Variants in WHAMM observed in about 807,000 individuals in gnomAD.
The protein encoded by WHAMM is WASP homolog associated with actin, golgi membranes and microtubules.
WHAMM carries 67 observed loss-of-function variants against 76.5 expected under a neutral mutation model. That is an observed-to-expected ratio of 0.88 (90% CI 0.72 to 1.07). The LOEUF is 1.07. WHAMM is among the 50% of genes least tolerant of loss of function. The probability of loss-of-function intolerance (pLI) is 0.00; values close to 1 mark genes in which losing one functional copy is unlikely to be tolerated. For synonymous variants in WHAMM, 419 were observed against 422.1 expected (o/e 0.99, Z 0.09); for missense variants, 1,021 against 1,051.1 (o/e 0.97, Z 0.40).
In WHAMM at chr15:82,831,063, A is replaced by G; in HGVS notation, c.2106A>G (p.Glu702=). 6.2e-7 allele frequency: 1 copy of G among 1,607,260 alleles called. No homozygotes were observed. Among genetic ancestry groups the G allele is most frequent in the Non-Finnish European group, 8.5e-7 (1 of 1,179,622 alleles). Residue 702 remains glutamate (E), a synonymous_variant, in exon 9 of 10, where the codon GAA becomes GAG. Transcript: ENST00000286760. ...CTGAGCGACCACGTGACTCCTTGGA[A>G]AGTTTTTCATGTCCAGGTAATCCAC... ...SPAERPRDSL[E]SFSCPGSMDE...
intron 1 of WHAMM, among the ~76,000 whole-genome samples, chr15:82,810,938 A>G (rs1415472584): frequency 6.6e-6 from 1 of 152,200 alleles, no homozygotes; most frequent in Non-Finnish European, 1.5e-5. Flanking sequence ...TGGTAAACTT[A>G]CTGAACCTAA....
At chr15:82,811,851 TA>T (rs975843002) in intron 1 of WHAMM, among the ~76,000 whole-genome samples, 139 of 148,702 alleles carry the variant, frequency 9.3e-4, no homozygotes, top group African/African-American at 3.0e-3. Context: ...GGCTTTCACT[TA>T]AAAAAAAAAC....
At chr15:82,815,117 A>G (rs1445461903) in intron 2 of WHAMM, among the ~76,000 whole-genome samples, 6 of 16,258 alleles carry the variant, frequency 3.7e-4, no homozygotes, top group Non-Finnish European at 5.0e-4. Context: ...GATTTTATAT[A>G]TATATATATA....
chr15:82,831,481 T>C (rs2051031802), intron 9 of WHAMM, among the ~76,000 whole-genome samples: 1 of 152,190 alleles, frequency 6.6e-6, no homozygotes, highest in South Asian at 2.1e-4. Context: ...AGAATCCAGT[T>C]GTTGTATTTT....
chr15:82,827,736 T>G (rs996733419), intron 8 of WHAMM, among the ~76,000 whole-genome samples: 1 of 152,102 alleles, frequency 6.6e-6, no homozygotes, highest in African/African-American at 2.4e-5. Context: ...CTTGAGGTCA[T>G]GAGTTTGAGA....
chr15:82,817,151 C>T lies in WHAMM; in HGVS notation c.934+309C>T, dbSNP rs190046443. 4.1e-3 allele frequency among the ~76,000 whole-genome samples: 620 copies of T among 152,180 alleles called. 2 individuals carry two copies. The highest frequency in any genetic ancestry group is 8.0e-3 in the Admixed American group (123 of 15,280). On this transcript the variant is annotated intron_variant, in intron 3 of 9. Coordinates refer to ENST00000286760, the MANE Select transcript of WHAMM (RefSeq NM_001080435.3). ...GTCACTGAAGGCCTCTGAGAAGTGG[C>T]GCTTGCCCCAATATCTGAAGGGTAA... is the stretch of plus-strand genomic sequence containing the variant.
chr15:82,810,433 C>A, intron 1 of WHAMM, 98 bp downstream of exon 1: 1 of 1,218,716 alleles, frequency 8.2e-7, no homozygotes, highest in Non-Finnish European at 1.0e-6. Flanking sequence ...TGACGGCTGA[C>A]GGGGAGGAGC....
intron 9 of WHAMM, among the ~76,000 whole-genome samples, chr15:82,832,454 T>C (rs764766901): frequency 7.2e-5 from 11 of 152,194 alleles, no homozygotes; most frequent in Non-Finnish European, 1.3e-4. Flanking sequence ...CAGCAGGCGA[T>C]AAAAGATTTT....
At chr15:82,826,589 T>C (rs2050938329) in intron 7 of WHAMM, 93 bp downstream of exon 7, 1 of 1,581,460 alleles carries the variant, frequency 6.3e-7, no homozygotes, top group East Asian at 2.2e-5. Flanking sequence ...GCCCTGGACC[T>C]GCAGCTGTCA....
At chr15:82,832,803 G>T (rs563534796) in intron 9 of WHAMM, among the ~76,000 whole-genome samples, 9 of 152,272 alleles carry the variant, frequency 5.9e-5, no homozygotes, top group Middle Eastern at 3.4e-3. Flanking sequence ...TTTTTTAAAA[G>T]ATTTCTTTTA....
rs1419197350 is a variant in WHAMM at position 82,810,251 on chromosome 15, C to T, written c.525C>T (p.Gly175=). ...ACGCACTCTTCCCGGCTGAGGGCGG[C>T]GCGGCCGACTGCGAAAGCCCGCGCG... ...VRDALFPAEG[G]AADCESPREF... is the part of the protein sequence containing the mutation. Residue 175 remains glycine, a synonymous_variant, in exon 1 of 10, where the codon GGC becomes GGT. Transcript: ENST00000286760. 10 of 1,390,960 alleles carry T rather than the reference C, an allele frequency of 7.2e-6. No homozygotes were observed. Among genetic ancestry groups the T allele is most frequent in the South Asian group, 1.5e-5 (1 of 65,544 alleles). The allele number at this position is 1,390,960 out of a possible 1,614,324, so 86.2% of individuals were successfully genotyped here.
chr15:82,816,827 G>A lies in WHAMM; in HGVS notation c.919G>A (p.Val307Ile), dbSNP rs1272800048. The A allele has an allele frequency of 1.3e-6, 2 of 1,561,254 alleles. No individual in the cohort carries two copies. The highest frequency in any genetic ancestry group is 2.3e-5 in the East Asian group (1 of 42,718). ...CACAGTGAATTATTTTAAGGAGACA[G>A]TAAAAGCATTAGCAGGTGATAATTT... Reference protein sequence around the residue: ...DITVNYFKETVKALAGMQKEM... With the variant: ...DITVNYFKETIKALAGMQKEM... Residue 307 changes from valine (V) to isoleucine (I), a missense_variant, in exon 3 of 10, where the codon GTA (valine) becomes ATA (isoleucine). Val to Ile is a conservative substitution (Grantham distance 29). Transcript: ENST00000286760.
intron 2 of WHAMM, 43 bp from the exon 3 acceptor site, chr15:82,816,649 A>G: frequency 6.6e-7 from 1 of 1,508,986 alleles, no homozygotes; most frequent in Non-Finnish European, 8.9e-7. Flanking sequence ...GGCTCTACAT[A>G]ACTATTAGCT....
rs1841962484 is a variant in WHAMM at position 82,831,016 on chromosome 15, C to T, written c.2059C>T (p.Pro687Ser). The change falls in exon 9 of 10, where the codon CCT becomes TCT. Residue 687 changes from proline (P) to serine (S), a missense_variant. Pro to Ser is a moderately conservative substitution (Grantham distance 74). This residue lies in a region of WHAMM where 509 missense variants were observed against 492.3 expected (regional missense o/e 1.03). Coordinates refer to ENST00000286760, the MANE Select transcript of WHAMM (RefSeq NM_001080435.3). ...RAPVKDDQPR[P>S]LVCESPAERP... ...TCCAGTGAAAGATGACCAGCCACGT[C>T]CTCTAGTGTGCGAATCACCTGCTGA... is the stretch of plus-strand genomic sequence containing the variant. 3 of 1,611,408 alleles carry T rather than the reference C, an allele frequency of 1.9e-6. No homozygotes were observed. The highest frequency in any genetic ancestry group is 3.3e-5 in the Admixed American group (2 of 59,850).
intron 9 of WHAMM, 27 bp downstream of exon 9, chr15:82,831,106 T>A (rs746883430): frequency 6.3e-7 from 1 of 1,591,482 alleles, no homozygotes; most frequent in Non-Finnish European, 8.5e-7. Flanking sequence ...CTGTCCCTGC[T>A]CCCCATGAGT....
At chr15:82,822,289 G>A (rs2050841026) in intron 5 of WHAMM, among the ~76,000 whole-genome samples, 1 of 152,174 alleles carries the variant, frequency 6.6e-6, no homozygotes, top group Non-Finnish European at 1.5e-5. Context: ...ATATTTATCT[G>A]CTAAGGAAGT....
intron 8 of WHAMM, among the ~76,000 whole-genome samples, chr15:82,828,308 G>T (rs77078601): frequency 2.7e-4 from 41 of 152,300 alleles, no homozygotes; most frequent in African/African-American, 9.9e-4. Context: ...GCCACACAGG[G>T]CTTCTCAGCC....
chr15:82,810,397 G>T, intron 1 of WHAMM, 62 bp downstream of exon 1: 1 of 1,239,668 alleles, frequency 8.1e-7, no homozygotes, highest in Non-Finnish European at 1.0e-6. Flanking sequence ...ACTGTGGGAG[G>T]CTCCCCCGGC....
chr15:82,822,279 ATATT>A (rs1436413749), intron 5 of WHAMM, among the ~76,000 whole-genome samples: 4 of 152,352 alleles, frequency 2.6e-5, no homozygotes, highest in East Asian at 3.9e-4. Context: ...AGATCCTTAA[ATATT>A]TATCTGCTAA....
Sources: gnomAD v4.1 joint callset for allele counts (sites outside exome capture counted in the v4.1 genomes callset) on GRCh38, gnomAD v4.1.1 for gene constraint, gnomAD v4.1.1 regional missense constraint, MANE v1.5 for transcripts, NCBI Gene and HGNC (gene_info 2026-07-23, HGNC 2026-07-21) for gene names.